Variants in TGM2 observed in about 807,000 individuals in gnomAD.
TGM2 encodes the protein transglutaminase 2.
In TGM2, 53 loss-of-function variants were observed where a neutral mutation model predicts 75.6. That is an observed-to-expected ratio of 0.70 (90% CI 0.56 to 0.88). The LOEUF (loss-of-function observed/expected upper bound fraction) is 0.88, where lower values mean the gene tolerates loss of function less well. TGM2 is among the 40% of genes least tolerant of loss of function. The pLI, the probability that TGM2 is intolerant of heterozygous loss-of-function variation, is 0.00. For missense variants in TGM2, 842 were observed against 928.5 expected (o/e 0.91, Z 1.21); for synonymous variants, 374 against 381.1 (o/e 0.98, Z 0.22).
intron 2 of TGM2, 140 bp from the exon 3 acceptor site, chr20:38,156,229 T>A: frequency 9.0e-7 from 1 of 1,116,030 alleles, no homozygotes; most frequent in East Asian, 2.6e-5. Context: ...GAAGTTTGTC[T>A]CCCTGAGCCT....
rs2122887663 is a variant in TGM2 at position 38,142,055 on chromosome 20, C to T, written c.995+9G>A. The T allele has an allele frequency of 6.2e-7, 1 of 1,614,152 alleles. No homozygotes were observed. The highest frequency in any genetic ancestry group is 1.3e-5 in the African/African-American group (1 of 75,038). On this transcript the variant is annotated intron_variant, in intron 7 of 12. Coordinates refer to ENST00000361475, the MANE Select transcript of TGM2 (RefSeq NM_004613.4). ...CTGGGCTCCGATCCCACCCTGGCCC[C>T]CACCTCACCAGATCATCTCGCTCTT...
chr20:38,135,852 C>T (rs1405459162), intron 10 of TGM2, among the ~76,000 whole-genome samples: 3 of 152,176 alleles, frequency 2.0e-5, no homozygotes, highest in Non-Finnish European at 4.4e-5. Flanking sequence ...GCTGCTGTGC[C>T]CTTTCCAGAT....
chr20:38,135,718 G>C (rs370627589), intron 10 of TGM2, among the ~76,000 whole-genome samples: 1 of 152,202 alleles, frequency 6.6e-6, no homozygotes, highest in Admixed American at 6.5e-5. Flanking sequence ...AGGAACCCCC[G>C]AGCCCAGGGC....
Position 38,139,272 on chromosome 20 carries a change from A to C in TGM2, c.1342+140T>G, listed in dbSNP as rs1369847587. ...GCTCCTGTTTCTAAGGCATTGCTGAAGATGGAGTATAGCCTACGGGGCCAT... is the reference window on the plus strand; with the variant it reads ...GCTCCTGTTTCTAAGGCATTGCTGACGATGGAGTATAGCCTACGGGGCCAT... On this transcript the variant is annotated intron_variant, in intron 9 of 12. Coordinates refer to ENST00000361475, the MANE Select transcript of TGM2 (RefSeq NM_004613.4). 5.7e-6 allele frequency: 7 copies of C among 1,222,498 alleles called. No individual in the cohort carries two copies. The African/African-American group carries it at 6.0e-5, about 10-fold the overall frequency. 75.7% of individuals were successfully genotyped at this position (1,222,498 alleles called of 1,614,324 possible).
At chr20:38,139,243 G>A (rs1273158715) in intron 9 of TGM2, among the ~76,000 whole-genome samples, 169 bp downstream of exon 9, 1 of 152,074 alleles carries the variant, frequency 6.6e-6, no homozygotes, top group African/African-American at 2.4e-5. Flanking sequence ...CCCTCAACAT[G>A]TTTGCTCCTG....
chr20:38,165,276 G>A (rs909430966), upstream of TGM2: 1 of 1,600,184 alleles, frequency 6.2e-7, no homozygotes. Flanking sequence ...GCACTGCCGA[G>A]GCGGAGAGCG....
rs554977365 is a variant in TGM2 at position 38,132,611 on chromosome 20, C to T, written c.1616-111G>A. ...AAGGAATGTGCTTGGGGTCACACAG[C>T]GGGGGAATGGCTGGGCGGATCCCTG... On this transcript the variant is annotated intron_variant, in intron 10 of 12. Transcript: ENST00000361475. The T allele has an allele frequency of 1.4e-5, 20 of 1,445,982 alleles. No individual in the cohort carries two copies. The East Asian group carries it at 1.8e-4, about 13-fold the overall frequency. The allele number at this position is 1,445,982 out of a possible 1,614,324, so 89.6% of individuals were successfully genotyped here.
intron 5 of TGM2, 36 bp from the exon 6 acceptor site, chr20:38,146,930 G>A (rs1022736244): frequency 6.2e-7 from 1 of 1,604,274 alleles, no homozygotes; most frequent in South Asian, 1.1e-5. Flanking sequence ...ACTGAGCCTG[G>A]GATGGGGTGT....
intron 2 of TGM2, 40 bp downstream of exon 2, chr20:38,161,380 G>A (rs769433933): frequency 4.4e-6 from 7 of 1,608,160 alleles, no homozygotes; most frequent in Non-Finnish European, 4.2e-6. Flanking sequence ...GGAAGTGGTG[G>A]TGGTGGTGGT....
rs771278686 is a variant in TGM2, at chr20:38,132,443, G to A, written c.1673C>T (p.Ser558Phe). Residue 558 changes from serine (S) to phenylalanine (F), a missense_variant, in exon 11 of 13, where the codon TCC becomes TTC. By Grantham distance (155) the Ser-to-Phe change is radical (BLOSUM62 -2). Coordinates refer to ENST00000361475, the MANE Select transcript of TGM2 (RefSeq NM_004613.4). ...GAGGGCCCGCACCTTGATGAGGTTGGACTCCGTAAGGCAGTCACGGTATTT... is the reference window on the plus strand; with the variant it reads ...GAGGGCCCGCACCTTGATGAGGTTGAACTCCGTAAGGCAGTCACGGTATTT... Reference protein sequence around the residue: ...YEKYRDCLTESNLIKVRALLV... With the variant: ...YEKYRDCLTEFNLIKVRALLV... 3 of 1,614,044 alleles carry A rather than the reference G, an allele frequency of 1.9e-6. No individual in the cohort carries two copies. The highest frequency in any genetic ancestry group is 2.5e-6 in the Non-Finnish European group (3 of 1,180,024).
At chr20:38,140,182 C>T (rs561095223) in intron 8 of TGM2, among the ~76,000 whole-genome samples, 4 of 152,228 alleles carry the variant, frequency 2.6e-5, no homozygotes, top group Non-Finnish European at 5.9e-5. Context: ...CAAGTGAATA[C>T]GGGTGCCTGA....
intron 7 of TGM2, 125 bp from the exon 8 acceptor site, chr20:38,141,510 G>A (rs1193514264): frequency 7.8e-6 from 6 of 766,438 alleles, no homozygotes; most frequent in Non-Finnish European, 1.3e-5. Flanking sequence ...TGAGCCCAGG[G>A]TGTCTCCCCA....
In TGM2 at chr20:38,130,363, G is replaced by A; in HGVS notation, c.1920C>T (p.Asp640=). Residue 640 remains aspartate (D), a synonymous_variant, in exon 13 of 13, where the codon GAC becomes GAT. Transcript: ENST00000361475. The stretch of plus-strand genomic sequence containing the variant: ...TAACTTCCTCCCCTGCCTCCACGGG[G>A]TCTGGGCTGCAGGGAGAGAGGGGGT... ...TEEQKTVEIP[D]PVEAGEEVKV... 1 of 1,590,836 alleles carries A rather than the reference G, an allele frequency of 6.3e-7. No homozygotes were observed. The highest frequency in any genetic ancestry group is 8.6e-7 in the Non-Finnish European group (1 of 1,169,068).
At chr20:38,147,379 G>A (rs979639048) in intron 5 of TGM2, among the ~76,000 whole-genome samples, 5 of 152,076 alleles carry the variant, frequency 3.3e-5, no homozygotes, top group Non-Finnish European at 7.4e-5. Context: ...CTCCACTCCA[G>A]GCACACTGGC....
At chr20:38,144,901 G>C (rs1032141300) in intron 6 of TGM2, among the ~76,000 whole-genome samples, 1 of 152,196 alleles carries the variant, frequency 6.6e-6, no homozygotes, top group African/African-American at 2.4e-5. Context: ...GGCAGCTGAG[G>C]GGCAGGATCT....
intron 3 of TGM2, among the ~76,000 whole-genome samples, chr20:38,154,349 C>A (rs574253827): frequency 4.6e-5 from 7 of 152,196 alleles, no homozygotes; most frequent in Admixed American, 2.0e-4. Context: ...GAGGGACACC[C>A]GATTCCCAGG....
chr20:38,161,680 G>C (rs971786829), intron 1 of TGM2, 81 bp from the exon 2 acceptor site: 16 of 1,524,332 alleles, frequency 1.0e-5, no homozygotes, highest in Non-Finnish European at 1.5e-5. Flanking sequence ...CCTAGACATG[G>C]GGGCCTTGTG....
In TGM2 at chr20:38,151,054, T is replaced by C. The variant is rs374344948; in HGVS notation, c.437A>G (p.Asp146Gly). 5 of 1,613,146 alleles carry C rather than the reference T, an allele frequency of 3.1e-6. No individual in the cohort carries two copies. The South Asian group carries it at 4.4e-5, about 14-fold the overall frequency. Residue 146 changes from aspartate (D) to glycine (G), a missense_variant, in exon 4 of 13, where the codon GAT becomes GGT. Transcript: ENST00000361475. ...CTCTTCCGAGTCCAGGTACACAGCA[T>C]CCGCTGCAGGCAGGAAGAAAGGGAC... ...ILLFNAWCPADAVYLDSEEER... is the reference protein window; with the variant it reads ...ILLFNAWCPAGAVYLDSEEER...
At chr20:38,139,915 C>A (rs1031620967) in intron 8 of TGM2, among the ~76,000 whole-genome samples, 2 of 152,204 alleles carry the variant, frequency 1.3e-5, no homozygotes, top group African/African-American at 4.8e-5. Context: ...CTCGAAGCGG[C>A]AGTTTCATGT....
Sources: allele counts gnomAD v4.1 joint callset (sites outside exome capture counted in the v4.1 genomes callset), GRCh38; gene constraint gnomAD v4.1.1; transcripts MANE v1.5; gene names NCBI Gene and HGNC (gene_info 2026-07-23, HGNC 2026-07-21).